The following CD4 variants were observed in gnomAD, a reference collection of about 807,000 sequenced individuals.
CD4 encodes the protein T-cell surface glycoprotein CD4.
Under a neutral mutation model 50.5 loss-of-function variants are expected in CD4, and 25 were observed. The observed-to-expected ratio is 0.49, with a 90% CI of 0.36 to 0.69. CD4 has a LOEUF of 0.69. Ranked by LOEUF, CD4 falls within the 30% of genes least tolerant of loss-of-function variation. The pLI is 0.00. For synonymous variants in CD4, 207 were observed against 221.9 expected (o/e 0.93, Z 0.60); for missense variants, 456 against 548.5 (o/e 0.83, Z 1.68).
In CD4 at chr12:6,817,348, A is replaced by G. The variant is rs199640148; in HGVS notation, c.1156+18A>G. 10 of 1,548,922 alleles carry G rather than the reference A, an allele frequency of 6.5e-6. No individual in the cohort carries two copies. Among genetic ancestry groups the G allele is most frequent in the Non-Finnish European group, 8.7e-6 (10 of 1,145,272 alleles). ...CATCAAGGGTAAGGACCCAGGTTCC[A>G]AGGCCTCTGCCTCCTGGGCTGCGGG... On this transcript the variant is annotated intron_variant, in intron 7 of 9. Transcript: ENST00000011653.
rs1201393078 is a variant in CD4, at chr12:6,808,504, A to T, written c.215-5638A>T. On this transcript the variant is annotated intron_variant, in intron 3 of 9. Coordinates refer to ENST00000011653, the MANE Select transcript of CD4 (RefSeq NM_000616.5). ...AAAAGTGAAGTTTACCTTTTTTTTT[A>T]AATTTTTCTTCTTTTCCTTCCCTAC... is the stretch of plus-strand genomic sequence containing the variant. Among the ~76,000 whole-genome samples the T allele has an allele frequency of 5.8e-3, 719 of 124,720 alleles. 4 individuals are homozygous for T. Among genetic ancestry groups the T allele is most frequent in the Non-Finnish European group, 8.8e-3 (503 of 57,252 alleles). The allele number at this position is 124,720 out of a possible 152,430, so 81.8% of individuals were successfully genotyped here. A position where few individuals can be genotyped will look rare whatever the true frequency, so the allele number is the denominator to read the frequency against.
chr12:6,807,574 G>T (rs782319538), intron 3 of CD4, among the ~76,000 whole-genome samples: 1 of 152,130 alleles, frequency 6.6e-6, no homozygotes, highest in Non-Finnish European at 1.5e-5. Flanking sequence ...CAGGGATGGG[G>T]AGGGGAAGGG....
Position 6,814,898 on chromosome 12 carries a change from G to A in CD4, c.513G>A (p.Val171=). The A allele has an allele frequency of 6.2e-7, 1 of 1,613,648 alleles. No homozygotes were observed. Among genetic ancestry groups the A allele is most frequent in the Non-Finnish European group, 8.5e-7 (1 of 1,179,710 alleles). The change falls in exon 5 of 10, where the codon GTG becomes GTA. Residue 171 remains valine (V), a synonymous_variant. Coordinates refer to ENST00000011653, the MANE Select transcript of CD4 (RefSeq NM_000616.5). ...KNIQGGKTLS[V]SQLELQDSGT... ...TACAGGGGGGGAAGACCCTCTCCGTGTCTCAGCTGGAGCTCCAGGATAGTG... is the reference window on the plus strand; with the variant it reads ...TACAGGGGGGGAAGACCCTCTCCGTATCTCAGCTGGAGCTCCAGGATAGTG...
In CD4 at chr12:6,819,418, C is replaced by CCAGG; in HGVS notation, c.*90_*91insAGGC. On this transcript the variant is annotated 3_prime_UTR_variant, in exon 10 of 10. Transcript: ENST00000011653. ...GCGGACCAGATGAATGTAGCAGATCCCCAGCCTCTGGCCTCCTGTTCGCCT... is the reference window on the plus strand; with the variant it reads ...GCGGACCAGATGAATGTAGCAGATCCCAGGCCAGCCTCTGGCCTCCTGTTCGCCT... 7.8e-7 allele frequency: 1 copy of CCAGG among 1,281,100 alleles called. No individual in the cohort carries two copies. Among genetic ancestry groups the CCAGG allele is most frequent in the Non-Finnish European group, 1.1e-6 (1 of 877,898 alleles). 79.4% of individuals were successfully genotyped at this position (1,281,100 alleles called of 1,614,324 possible).
intron 3 of CD4, among the ~76,000 whole-genome samples, chr12:6,809,890 C>CCT (rs1555116754): frequency 2.4e-5 from 3 of 125,984 alleles, no homozygotes; most frequent in Non-Finnish European, 4.8e-5. Flanking sequence ...GCCTATACCT[C>CCT]TTTTTTTTTT....
At chr12:6,807,191 A>AC (rs1412783747) in intron 3 of CD4, among the ~76,000 whole-genome samples, 1 of 150,466 alleles carries the variant, frequency 6.6e-6, no homozygotes, top group Non-Finnish European at 1.5e-5. Context: ...AAACAAACAA[A>AC]AAACATGCAA....
At chr12:6,800,573 G>A (rs1190450416) in intron 3 of CD4, 102 bp downstream of exon 3, 9 of 1,003,538 alleles carry the variant, frequency 9.0e-6, no homozygotes, top group Middle Eastern at 5.8e-4. Context: ...GATCCCAGAG[G>A]GCTTGGGTTG....
chr12:6,802,216 A>G (rs1942586400), intron 3 of CD4, among the ~76,000 whole-genome samples: 1 of 152,012 alleles, frequency 6.6e-6, no homozygotes, highest in South Asian at 2.1e-4. Context: ...ATTACAAAAT[A>G]TTTGGTCAAT....
Position 6,801,299 on chromosome 12 carries a change from C to T in CD4, c.214+828C>T, listed in dbSNP as rs566395873. Among the ~76,000 whole-genome samples, 40 of 150,220 alleles carry T rather than the reference C, an allele frequency of 2.7e-4. 1 individual carries two copies. The highest frequency in any genetic ancestry group is 1.6e-3 in the East Asian group (8 of 4,932). On this transcript the variant is annotated intron_variant, in intron 3 of 9. Transcript: ENST00000011653. ...TGGGAGTTTGAGGTGGGCAGATCAC[C>T]GGNGGTCAGGAGTTCAAGACCAGTC...
At chr12:6,796,521 C>T (rs560192675) in intron 1 of CD4, among the ~76,000 whole-genome samples, 1 of 152,206 alleles carries the variant, frequency 6.6e-6, no homozygotes, top group Non-Finnish European at 1.5e-5. Context: ...CCTGCTCCAG[C>T]CTTCCTTTGA....
chr12:6,818,551 C>A lies in CD4; in HGVS notation c.1278+9C>A, dbSNP rs1555118504. The A allele has an allele frequency of 6.2e-7, 1 of 1,612,326 alleles. No homozygotes were observed. Among genetic ancestry groups the A allele is most frequent in the Non-Finnish European group, 8.5e-7 (1 of 1,179,972 alleles). On this transcript the variant is annotated intron_variant, in intron 8 of 9. Coordinates refer to ENST00000011653, the MANE Select transcript of CD4 (RefSeq NM_000616.5). This position sits in a 1 kb window ranked among gnomAD's most constrained non-coding sequence, Gnocchi z 5.0. ...GGTGCCGGCACCGAAGGGTGAGTAACCCCACACCTGGTCCCCACAAGGCCC... is the reference window on the plus strand; with the variant it reads ...GGTGCCGGCACCGAAGGGTGAGTAAACCCACACCTGGTCCCCACAAGGCCC...
intron 5 of CD4, among the ~76,000 whole-genome samples, chr12:6,815,430 C>T (rs1943059936): frequency 6.6e-6 from 1 of 152,128 alleles, no homozygotes; most frequent in Admixed American, 6.5e-5. Context: ...TGTGGGGAGA[C>T]CAAGGTCCTA....
chr12:6,793,693 TATCTATCTA>T (rs746050779), intron 1 of CD4, among the ~76,000 whole-genome samples: 2,568 of 108,274 alleles, frequency 0.024, 148 homozygotes, highest in African/African-American at 0.089. Flanking sequence ...TCTATCTATC[TATCTATCTA>T]TCTTTTTTTT....
rs782113949 is a variant in CD4, at chr12:6,809,296, G to C, written c.215-4846G>C. On this transcript the variant is annotated intron_variant, in intron 3 of 9. Coordinates refer to ENST00000011653, the MANE Select transcript of CD4 (RefSeq NM_000616.5). ...GGATGACTTGACCTGAGGATTTCGA[G>C]ACCAGCCTGGGCAACAGGGCGAAAC... Among the ~76,000 whole-genome samples, 34 of 152,196 alleles carry C rather than the reference G, an allele frequency of 2.2e-4. No individual in the cohort carries two copies. In the South Asian group the frequency reaches 7.1e-3, roughly 32 times the overall value.
At chr12:6,802,659 T>G (rs1942599291) in intron 3 of CD4, among the ~76,000 whole-genome samples, 1 of 152,206 alleles carries the variant, frequency 6.6e-6, no homozygotes, top group Non-Finnish European at 1.5e-5. Context: ...CATAATTACG[T>G]AAATGATATC....
intron 1 of CD4, among the ~76,000 whole-genome samples, chr12:6,793,970 A>ATCTCTATCTATC (rs1555114029): frequency 4.5e-5 from 6 of 133,850 alleles, no homozygotes; most frequent in Non-Finnish European, 6.2e-5. Context: ...CTATCTATCT[A>ATCTCTATCTATC]TATCTATCTA....
At position 6,801,257 on chromosome 12, in the gene CD4, C is replaced by A. The variant is rs149591619; in HGVS notation, c.214+786C>A. 1.7e-3 allele frequency among the ~76,000 whole-genome samples: 254 copies of A among 150,920 alleles called. 7 individuals are homozygous for A. In the East Asian group the frequency reaches 0.048, roughly 29 times the overall value. On this transcript the variant is annotated intron_variant, in intron 3 of 9. Coordinates refer to ENST00000011653, the MANE Select transcript of CD4 (RefSeq NM_000616.5). ...AAAAGGCCGGCTGTAGTGGCTCACA[C>A]CTGTAATCCAGAACTTTGGGAGTTT... is the stretch of plus-strand genomic sequence containing the variant.
chr12:6,794,472 A>G (rs1238561849), intron 1 of CD4, among the ~76,000 whole-genome samples: 13 of 151,644 alleles, frequency 8.6e-5, no homozygotes, highest in Non-Finnish European at 1.6e-4. Context: ...CCCGGGTTCA[A>G]GTGATTCTCC....
At chr12:6,812,774 T>G (rs1211010910) in intron 3 of CD4, among the ~76,000 whole-genome samples, 1 of 36,310 alleles carries the variant, frequency 2.8e-5, no homozygotes, top group Non-Finnish European at 6.1e-5. Flanking sequence ...GTTATTTTTG[T>G]GTGTGTGTGT....
Sources: gnomAD v4.1 joint callset for allele counts (sites outside exome capture counted in the v4.1 genomes callset) on GRCh38, gnomAD v4.1.1 for gene constraint, Gnocchi (gnomAD v3.1) non-coding constraint, MANE v1.5 for transcripts, NCBI Gene and HGNC (gene_info 2026-07-23, HGNC 2026-07-21) for gene names.